Variants in FAM117A observed in about 807,000 individuals in gnomAD.
FAM117A encodes protein FAM117A.
A neutral mutation model predicts 44.1 loss-of-function variants in FAM117A; 21 were observed. That is an observed-to-expected ratio of 0.48 (90% CI 0.34 to 0.69). The LOEUF (loss-of-function observed/expected upper bound fraction) is 0.69. FAM117A is among the 30% of genes least tolerant of loss of function. The pLI, the probability that FAM117A is intolerant of heterozygous loss-of-function variation, is 0.01. For synonymous variants in FAM117A, 220 were observed against 238.3 expected (o/e 0.92, Z 0.71); for missense variants, 498 against 589.9 (o/e 0.84, Z 1.61).
At chr17:49,758,491 G>A (rs1327628353) in intron 1 of FAM117A, among the ~76,000 whole-genome samples, 2 of 151,562 alleles carry the variant, frequency 1.3e-5, no homozygotes, top group African/African-American at 2.4e-5. Context: ...GGGTATGGTG[G>A]TGGGCACCTG....
At chr17:49,779,120 G>A (rs747181130) in intron 1 of FAM117A, among the ~76,000 whole-genome samples, 1 of 152,168 alleles carries the variant, frequency 6.6e-6, no homozygotes, top group Non-Finnish European at 1.5e-5. Context: ...GTGAAGCTGC[G>A]GCACTGAGAA....
At chr17:49,755,407 A>G (rs529909575) in intron 1 of FAM117A, among the ~76,000 whole-genome samples, 2 of 152,338 alleles carry the variant, frequency 1.3e-5, no homozygotes, top group Non-Finnish European at 2.9e-5. Flanking sequence ...GCAAAAATCT[A>G]CCTGGAGTGA....
intron 1 of FAM117A, among the ~76,000 whole-genome samples, chr17:49,779,610 G>A (rs1361698677): frequency 1.3e-5 from 2 of 152,144 alleles, no homozygotes; most frequent in Non-Finnish European, 2.9e-5. Flanking sequence ...ATGGCCTGCC[G>A]CCCTTCCTAC....
At chr17:49,786,713 G>A (rs2073808018) in intron 1 of FAM117A, among the ~76,000 whole-genome samples, 1 of 150,560 alleles carries the variant, frequency 6.6e-6, no homozygotes. Context: ...GGAGGCGGAG[G>A]CTGCGGTGAG....
At chr17:49,739,427 C>A (rs1176277593) in intron 1 of FAM117A, among the ~76,000 whole-genome samples, 1 of 152,144 alleles carries the variant, frequency 6.6e-6, no homozygotes, top group East Asian at 1.9e-4. Flanking sequence ...CAGACCGGAG[C>A]ATCAGCAGCT....
chr17:49,732,774 T>C, intron 1 of FAM117A, 54 bp from the exon 2 acceptor site: 1 of 1,562,900 alleles, frequency 6.4e-7, no homozygotes, highest in East Asian at 2.3e-5. Context: ...GAAGGAGACG[T>C]GGCAATCACC....
intron 1 of FAM117A, among the ~76,000 whole-genome samples, chr17:49,744,968 C>A (rs748907996): frequency 4.2e-5 from 6 of 142,734 alleles, no homozygotes; most frequent in Non-Finnish European, 9.0e-5. Flanking sequence ...GAGCTGTGAT[C>A]GCATCACTGC....
intron 1 of FAM117A, among the ~76,000 whole-genome samples, chr17:49,752,637 C>A (rs910049656): frequency 4.6e-5 from 7 of 152,152 alleles, no homozygotes; most frequent in Non-Finnish European, 8.8e-5. Context: ...ATCTGGTCTG[C>A]CTCCTATGTC....
At chr17:49,741,268 CCT>C (rs978141807) in intron 1 of FAM117A, among the ~76,000 whole-genome samples, 8 of 152,078 alleles carry the variant, frequency 5.3e-5, no homozygotes, top group African/African-American at 1.7e-4. Context: ...TCTCATTTCC[CCT>C]GTTTTTTGTT....
intron 1 of FAM117A, among the ~76,000 whole-genome samples, chr17:49,756,434 T>C (rs1343478114): frequency 3.3e-5 from 5 of 152,126 alleles, no homozygotes; most frequent in African/African-American, 1.2e-4. Flanking sequence ...CGGGGTGAAC[T>C]AGGCTGCCCC....
intron 6 of FAM117A, among the ~76,000 whole-genome samples, chr17:49,717,004 G>GTTATTAT (rs2073507452): frequency 2.0e-5 from 3 of 152,114 alleles, no homozygotes; most frequent in Non-Finnish European, 4.4e-5. Context: ...TTATTAGGAG[G>GTTATTAT]TAGGAATTTC....
chr17:49,711,075 A>G lies in FAM117A; in HGVS notation c.*180T>C, dbSNP rs777911035. On this transcript the variant is annotated 3_prime_UTR_variant, in exon 8 of 8. Transcript: ENST00000240364. ...ACTAGTGGAGAAGGCAGGTCCCATC[A>G]CGTTCAGAGGGGCCGGTGCCCATCA... 12 of 582,362 alleles carry G rather than the reference A, an allele frequency of 2.1e-5. No individual in the cohort carries two copies. Among genetic ancestry groups the G allele is most frequent in the Admixed American group, 3.4e-5 (1 of 29,348 alleles). The allele number at this position is 582,362 out of a possible 1,614,324, so 36.1% of individuals were successfully genotyped here.
chr17:49,711,227 A>C lies in FAM117A; in HGVS notation c.*28T>G, dbSNP rs376411312. On this transcript the variant is annotated 3_prime_UTR_variant, in exon 8 of 8. Transcript: ENST00000240364. ...ACCTGCCACCAAGGCACTGGTCTCT[A>C]TGGTAAAGTGGGGCAGGGGTGGGAC... is the stretch of plus-strand genomic sequence containing the variant. 88 of 1,563,340 alleles carry C rather than the reference A, an allele frequency of 5.6e-5. No individual in the cohort carries two copies. The highest frequency in any genetic ancestry group is 2.3e-4 in the Middle Eastern group (1 of 4,320).
chr17:49,764,173 G>T, upstream of FAM117A: 1 of 657,602 alleles, frequency 1.5e-6, no homozygotes, highest in East Asian at 3.3e-5. Context: ...TGCTGTACGG[G>T]GCGGGGACCG....
At chr17:49,743,958 T>C (rs961499460) in intron 1 of FAM117A, among the ~76,000 whole-genome samples, 2 of 151,458 alleles carry the variant, frequency 1.3e-5, no homozygotes, top group African/African-American at 4.9e-5. Context: ...GGGGCGTCCC[T>C]TTTCCAGTGA....
upstream of FAM117A, among the ~76,000 whole-genome samples, chr17:49,767,295 C>T (rs1378549767): frequency 6.6e-6 from 1 of 152,242 alleles, no homozygotes; most frequent in African/African-American, 2.4e-5. Flanking sequence ...GCATTCATTA[C>T]AAAGCATCTA....
At chr17:49,727,733 C>T (rs940708285) in intron 2 of FAM117A, among the ~76,000 whole-genome samples, 1 of 152,230 alleles carries the variant, frequency 6.6e-6, no homozygotes, top group Non-Finnish European at 1.5e-5. Flanking sequence ...ACTGGAATCT[C>T]TCAGCCTCCA....
chr17:49,789,027 G>A (rs1197094557), upstream of FAM117A: 1 of 486,938 alleles, frequency 2.1e-6, no homozygotes, highest in East Asian at 3.5e-5. Flanking sequence ...CCCTGGCCTC[G>A]GCCTATGCTT....
chr17:49,744,424 C>G (rs1598028834), intron 1 of FAM117A, among the ~76,000 whole-genome samples: 1 of 151,554 alleles, frequency 6.6e-6, no homozygotes, highest in East Asian at 1.9e-4. Flanking sequence ...GGATTACAGG[C>G]ATGACCCACC....
Sources: allele counts gnomAD v4.1 joint callset (sites outside exome capture counted in the v4.1 genomes callset), GRCh38; gene constraint gnomAD v4.1.1; transcripts MANE v1.5; gene names NCBI Gene and HGNC (gene_info 2026-07-23, HGNC 2026-07-21).